NTRK3: variants seen among roughly 807,000 people sequenced by gnomAD.
NTRK3 encodes neurotrophic receptor tyrosine kinase 3.
NTRK3 carries 24 observed loss-of-function variants against 91.7 expected under a neutral mutation model. The ratio of observed to expected loss-of-function variants is 0.26; its 90% CI spans 0.19 to 0.37. The LOEUF (loss-of-function observed/expected upper bound fraction) is 0.37, where lower values mean the gene tolerates loss of function less well. NTRK3 is among the 10% of genes least tolerant of loss of function. The pLI is 1.00. For synonymous variants in NTRK3, 483 were observed against 404.0 expected, an observed-to-expected ratio of 1.20 and a Z score of -2.34; for missense variants, 880 against 1,068.9, an observed-to-expected ratio of 0.82 and a Z score of 2.46.
chr15:87,917,998 T>G (rs559575864), intron 17 of NTRK3, among the ~76,000 whole-genome samples: 25 of 38,410 alleles, frequency 6.5e-4, no homozygotes, highest in Middle Eastern at 0.013. Context: ...TTTTTTTGTG[T>G]TTTTTTTTTG....
At chr15:88,102,291 A>G (rs78810404) in intron 13 of NTRK3, among the ~76,000 whole-genome samples, 1,849 of 152,306 alleles carry the variant, frequency 0.012, 41 homozygotes, top group African/African-American at 0.042. Context: ...CTAGATTTGA[A>G]TTAAGCATAT....
At chr15:88,077,371 C>A (rs1403423247) in intron 13 of NTRK3, among the ~76,000 whole-genome samples, 1 of 152,112 alleles carries the variant, frequency 6.6e-6, no homozygotes. Flanking sequence ...GCCATTTCTT[C>A]TCAAAAACCC....
chr15:88,186,530 C>T (rs2046959178), intron 3 of NTRK3, among the ~76,000 whole-genome samples: 2 of 152,184 alleles, frequency 1.3e-5, no homozygotes, highest in Non-Finnish European at 2.9e-5. Flanking sequence ...TTTGTAGCCA[C>T]AGTGCAACAG....
chr15:88,080,706 T>C (rs1270928880), intron 13 of NTRK3, among the ~76,000 whole-genome samples: 1 of 152,124 alleles, frequency 6.6e-6, no homozygotes, highest in South Asian at 2.1e-4. Context: ...GAGCCCCAGA[T>C]TGGAAGGCAG....
At chr15:87,983,390 C>T (rs1468278898) in intron 14 of NTRK3, among the ~76,000 whole-genome samples, 1 of 152,118 alleles carries the variant, frequency 6.6e-6, no homozygotes, top group Non-Finnish European at 1.5e-5. Flanking sequence ...AGATGTTTTT[C>T]AACCCCATTG....
intron 13 of NTRK3, among the ~76,000 whole-genome samples, chr15:88,093,152 C>G (rs557776656): frequency 6.7e-6 from 1 of 149,430 alleles, no homozygotes; most frequent in Non-Finnish European, 1.5e-5. Context: ...TTTACCTCAA[C>G]GTAAACATGA....
chr15:88,238,796 T>C (rs1598121063), intron 3 of NTRK3, among the ~76,000 whole-genome samples: 1 of 152,352 alleles, frequency 6.6e-6, no homozygotes, highest in East Asian at 1.9e-4. Context: ...TTCAAATGCC[T>C]CCTGATAACA....
chr15:88,121,639 G>A (rs2052715014), intron 13 of NTRK3, among the ~76,000 whole-genome samples: 2 of 152,068 alleles, frequency 1.3e-5, no homozygotes, highest in Non-Finnish European at 2.9e-5. Flanking sequence ...CCCATGCCCT[G>A]AACCCCACAA....
intron 14 of NTRK3, among the ~76,000 whole-genome samples, chr15:87,992,299 C>A (rs1596564380): frequency 6.6e-6 from 1 of 152,156 alleles, no homozygotes; most frequent in Non-Finnish European, 1.5e-5. Flanking sequence ...TCTGACCACA[C>A]TGTATGCCTT....
chr15:88,014,701 G>A (rs7180931), intron 14 of NTRK3, among the ~76,000 whole-genome samples: 2,888 of 152,272 alleles, frequency 0.019, 82 homozygotes, highest in African/African-American at 0.065. Context: ...GCTCTCTCAG[G>A]TGCTCAAGGA....
intron 13 of NTRK3, among the ~76,000 whole-genome samples, chr15:88,091,279 G>A (rs1484075931): frequency 6.6e-6 from 1 of 152,198 alleles, no homozygotes; most frequent in Admixed American, 6.5e-5. Context: ...TTAAAGCTGG[G>A]GAAGGAATTA....
intron 14 of NTRK3, among the ~76,000 whole-genome samples, chr15:87,987,483 C>G (rs368467332): frequency 6.6e-6 from 1 of 151,172 alleles, no homozygotes; most frequent in Non-Finnish European, 1.5e-5. Context: ...GTCTTTCTCT[C>G]TCTATCTATA....
chr15:88,109,032 T>A (rs929615216), intron 13 of NTRK3, among the ~76,000 whole-genome samples: 1 of 152,156 alleles, frequency 6.6e-6, no homozygotes, highest in African/African-American at 2.4e-5. Context: ...GCCTGGAAAT[T>A]TATGGCAATA....
intron 13 of NTRK3, among the ~76,000 whole-genome samples, chr15:88,094,465 G>A: frequency 9.0e-6 from 1 of 110,820 alleles, no homozygotes; most frequent in Non-Finnish European, 1.7e-5. Context: ...GACAGAGCGA[G>A]ACTCCGTCTC....
At chr15:88,245,642 G>T (rs747329125) in intron 3 of NTRK3, among the ~76,000 whole-genome samples, 6 of 152,176 alleles carry the variant, frequency 3.9e-5, no homozygotes, top group South Asian at 2.1e-4. Context: ...AAGTATCTAT[G>T]CTTGTGGGGA....
chr15:88,163,714 C>G (rs2044676494), intron 5 of NTRK3, among the ~76,000 whole-genome samples: 1 of 152,118 alleles, frequency 6.6e-6, no homozygotes, highest in South Asian at 2.1e-4. Context: ...TGAGATAGTT[C>G]CAAGGATACA....
intron 14 of NTRK3, among the ~76,000 whole-genome samples, chr15:87,961,014 T>G (rs1162838747): frequency 6.6e-6 from 1 of 151,914 alleles, no homozygotes; most frequent in African/African-American, 2.4e-5. Context: ...CCCAACTGCT[T>G]TTTCCTAGTC....
intron 10 of NTRK3, among the ~76,000 whole-genome samples, chr15:88,129,492 C>T (rs974974159): frequency 2.0e-5 from 3 of 152,168 alleles, no homozygotes; most frequent in African/African-American, 7.2e-5. Flanking sequence ...TTCAAATCTC[C>T]GTCCAGGCTC....
At chr15:87,897,028 A>T (rs1176720626) in intron 17 of NTRK3, among the ~76,000 whole-genome samples, 1 of 152,204 alleles carries the variant, frequency 6.6e-6, no homozygotes, top group Non-Finnish European at 1.5e-5. Context: ...CTGACAGTTT[A>T]CGCAAACAGC....
Sources: allele counts gnomAD v4.1 joint callset (sites outside exome capture counted in the v4.1 genomes callset), GRCh38; gene constraint gnomAD v4.1.1; transcripts MANE v1.5; gene names NCBI Gene and HGNC (gene_info 2026-07-23, HGNC 2026-07-21).